Variants in ANKS1A observed in about 807,000 individuals in gnomAD.
ANKS1A encodes ankyrin repeat and SAM domain-containing protein 1A.
In ANKS1A, 55 loss-of-function variants were observed where a neutral mutation model predicts 120.3. That is an observed-to-expected ratio of 0.46 (90% CI 0.37 to 0.57). ANKS1A has a LOEUF of 0.57. ANKS1A is among the 20% of genes least tolerant of loss of function. The probability of loss-of-function intolerance (pLI) is 0.00; values close to 1 mark genes in which losing one functional copy is unlikely to be tolerated. For missense variants in ANKS1A, 1,123 were observed against 1,480.3 expected (o/e 0.76, Z 3.96); for synonymous variants, 590 against 604.7 (o/e 0.98, Z 0.36).
chr6:34,991,526 GA>G (rs1248252035), intron 9 of ANKS1A, among the ~76,000 whole-genome samples: 2 of 124,998 alleles, frequency 1.6e-5, no homozygotes, highest in African/African-American at 6.4e-5. Context: ...ACATAGCCGG[GA>G]AAAAAAAAAT....
chr6:35,066,219 C>G (rs905993554), intron 13 of ANKS1A, among the ~76,000 whole-genome samples: 1 of 152,178 alleles, frequency 6.6e-6, no homozygotes, highest in Non-Finnish European at 1.5e-5. Context: ...CATGTAAGGA[C>G]GCAAGGTGGG....
intron 1 of ANKS1A, among the ~76,000 whole-genome samples, chr6:34,904,273 C>A (rs373385761): frequency 1.3e-5 from 2 of 152,172 alleles, no homozygotes; most frequent in South Asian, 4.1e-4. Flanking sequence ...AACAATGAGA[C>A]AAATAGCCTG....
At position 34,994,748 on chromosome 6, in the gene ANKS1A, T is replaced by G. The variant is rs540803615; in HGVS notation, c.1423+326T>G. ...CTCAAATCATAAACCCTCAAGTTAA[T>G]GCTGTGGAAAAACAAGCTCAACAAG... On this transcript the variant is annotated intron_variant, in intron 10 of 23. Transcript: ENST00000360359. Among the ~76,000 whole-genome samples, 24 of 152,284 alleles carry G rather than the reference T, an allele frequency of 1.6e-4. No individual in the cohort carries two copies. The South Asian group carries it at 4.6e-3, about 29-fold the overall frequency.
At chr6:35,035,812 G>T (rs1043935446) in intron 11 of ANKS1A, among the ~76,000 whole-genome samples, 1 of 152,190 alleles carries the variant, frequency 6.6e-6, no homozygotes, top group East Asian at 1.9e-4. Flanking sequence ...GTGGAGTGTG[G>T]CAGGCCAGTG....
chr6:35,055,751 C>T (rs546656503), intron 12 of ANKS1A, among the ~76,000 whole-genome samples: 8 of 152,330 alleles, frequency 5.3e-5, no homozygotes, highest in East Asian at 3.9e-4. Context: ...GAGCCACCAT[C>T]GCTCCAGCAG....
chr6:35,009,628 C>T (rs537586819), intron 10 of ANKS1A, among the ~76,000 whole-genome samples: 13 of 152,056 alleles, frequency 8.5e-5, no homozygotes, highest in East Asian at 1.9e-4. Flanking sequence ...CCAGGCTGGG[C>T]GCGGTGGATC....
At chr6:34,995,678 G>A (rs1202745477) in intron 10 of ANKS1A, among the ~76,000 whole-genome samples, 4 of 152,118 alleles carry the variant, frequency 2.6e-5, no homozygotes, top group African/African-American at 9.7e-5. Context: ...AGCCTTTTGA[G>A]CCTGGCCCCT....
At chr6:35,003,958 G>A (rs147487424) in intron 10 of ANKS1A, among the ~76,000 whole-genome samples, 1 of 152,316 alleles carries the variant, frequency 6.6e-6, no homozygotes, top group African/African-American at 2.4e-5. Flanking sequence ...CTGAAACCAG[G>A]CCTGGGCCTG....
At chr6:35,087,285 A>G (rs1778046451) in intron 23 of ANKS1A, among the ~76,000 whole-genome samples, 1 of 152,164 alleles carries the variant, frequency 6.6e-6, no homozygotes, top group African/African-American at 2.4e-5. Flanking sequence ...TGGGCTGAGG[A>G]CAGCTTGAGG....
intron 1 of ANKS1A, among the ~76,000 whole-genome samples, chr6:34,945,458 G>A (rs1362958972): frequency 6.6e-6 from 1 of 152,170 alleles, no homozygotes; most frequent in East Asian, 1.9e-4. Flanking sequence ...ATTTCCAGTT[G>A]TTCCAGTACC....
chr6:34,902,398 G>A (rs890648897), intron 1 of ANKS1A, among the ~76,000 whole-genome samples: 9 of 151,868 alleles, frequency 5.9e-5, no homozygotes, highest in East Asian at 1.9e-4. Flanking sequence ...ACAGGCATGC[G>A]CCACCATGCC....
rs1474420958 is a variant in ANKS1A, at chr6:34,982,802, T to C, written c.783T>C (p.Asp261=). 4 of 1,614,214 alleles carry C rather than the reference T, an allele frequency of 2.5e-6. No individual in the cohort carries two copies. Among genetic ancestry groups the C allele is most frequent in the Admixed American group, 1.7e-5 (1 of 60,022 alleles). The change falls in exon 5 of 24, where the codon GAT becomes GAC. Residue 261 remains aspartate (D), a synonymous_variant. Coordinates refer to ENST00000360359, the MANE Select transcript of ANKS1A (RefSeq NM_015245.3). This position sits in a 1 kb window ranked among gnomAD's most constrained non-coding sequence, Gnocchi z 4.9. The stretch of plus-strand genomic sequence containing the variant: ...AGGCTGCTTTGTTTGGCAAGACCGA[T>C]GTGGTGCAAATCCTGCTGGCTGCAG... ...LHEAALFGKT[D]VVQILLAAGT...
chr6:34,997,849 A>G (rs1423105784), intron 10 of ANKS1A, among the ~76,000 whole-genome samples: 1 of 152,212 alleles, frequency 6.6e-6, no homozygotes, highest in African/African-American at 2.4e-5. Flanking sequence ...CCCCATATCA[A>G]GAGATCGTCA....
chr6:34,957,466 G>T (rs1381877015), intron 1 of ANKS1A, among the ~76,000 whole-genome samples: 1 of 152,218 alleles, frequency 6.6e-6, no homozygotes, highest in East Asian at 1.9e-4. Context: ...GTGTTTCCTT[G>T]TGTTGGAAAA....
At chr6:35,021,452 A>T (rs1268555994) in intron 11 of ANKS1A, among the ~76,000 whole-genome samples, 2 of 152,106 alleles carry the variant, frequency 1.3e-5, no homozygotes, top group African/African-American at 4.8e-5. Flanking sequence ...CAGCTCCTCC[A>T]TCTCCACCTC....
chr6:34,944,000 G>A (rs369226442), intron 1 of ANKS1A, among the ~76,000 whole-genome samples: 2 of 152,326 alleles, frequency 1.3e-5, no homozygotes, highest in South Asian at 4.1e-4. Flanking sequence ...TAGGCTGGGC[G>A]TGGTGGCTCA....
chr6:34,977,166 T>G (rs1022918350), intron 3 of ANKS1A, among the ~76,000 whole-genome samples: 14 of 152,264 alleles, frequency 9.2e-5, no homozygotes, highest in African/African-American at 3.1e-4. Context: ...CACAGGGCAG[T>G]TGTTTTGTAT....
Position 34,982,696 on chromosome 6 carries a change from A to C in ANKS1A, c.733-56A>C. On this transcript the variant is annotated intron_variant, in intron 4 of 23. Coordinates refer to ENST00000360359, the MANE Select transcript of ANKS1A (RefSeq NM_015245.3). This position sits in a 1 kb window ranked among gnomAD's most constrained non-coding sequence, Gnocchi z 4.9. ...TGTCTGTGTCCCCTTTGTCACGTGAAGCCGCACCAAACTGTTCTGATGACA... is the reference window on the plus strand; with the variant it reads ...TGTCTGTGTCCCCTTTGTCACGTGACGCCGCACCAAACTGTTCTGATGACA... 1 of 1,569,418 alleles carries C rather than the reference A, an allele frequency of 6.4e-7. No homozygotes were observed. Among genetic ancestry groups the C allele is most frequent in the Non-Finnish European group, 8.8e-7 (1 of 1,139,346 alleles).
At position 34,981,923 on chromosome 6, in the gene ANKS1A, A is replaced by G. The variant is rs1771925023; in HGVS notation, c.669A>G (p.Ala223=). The G allele has an allele frequency of 6.2e-7, 1 of 1,614,180 alleles. No individual in the cohort carries two copies. The highest frequency in any genetic ancestry group is 8.5e-7 in the Non-Finnish European group (1 of 1,180,020). The change falls in exon 4 of 24, where the codon GCA becomes GCG. Residue 223 remains alanine, a synonymous_variant. Transcript: ENST00000360359. ...AGCACACCCCTCTGCACTTGGCAGC[A>G]AGGAATGGCCACAAAGCCGTGGTCC... is the stretch of plus-strand genomic sequence containing the variant. ...TKKHTPLHLA[A]RNGHKAVVQV... is the part of the protein sequence containing the mutation.
Sources: gnomAD v4.1 joint callset for allele counts (sites outside exome capture counted in the v4.1 genomes callset) on GRCh38, gnomAD v4.1.1 for gene constraint, Gnocchi (gnomAD v3.1) non-coding constraint, MANE v1.5 for transcripts, NCBI Gene and HGNC (gene_info 2026-07-23, HGNC 2026-07-21) for gene names.